Variants in MBNL1 observed in about 807,000 individuals in gnomAD.
The protein encoded by MBNL1 is muscleblind like splicing regulator 1, also known as muscleblind-like protein 1.
In MBNL1, 8 loss-of-function variants were observed where a neutral mutation model predicts 42.2. That is an observed-to-expected ratio of 0.19 (90% CI 0.11 to 0.34). MBNL1 has a LOEUF of 0.34. Among genes scored for constraint, MBNL1 ranks in the 10% least tolerant of loss-of-function variants. MBNL1 has a pLI of 1.00. For synonymous variants in MBNL1, 169 were observed against 173.9 expected, an observed-to-expected ratio of 0.97 and a Z score of 0.22; for missense variants, 309 against 495.3, an observed-to-expected ratio of 0.62 and a Z score of 3.57.
intron 2 of MBNL1, among the ~76,000 whole-genome samples, chr3:152,404,444 T>C (rs925248363): frequency 2.0e-5 from 3 of 152,172 alleles, no homozygotes; most frequent in African/African-American, 4.8e-5. Context: ...GTTATCACTT[T>C]AGAGATACTT....
At chr3:152,350,151 G>A (rs903423896) in intron 2 of MBNL1, among the ~76,000 whole-genome samples, 1 of 152,124 alleles carries the variant, frequency 6.6e-6, no homozygotes, top group African/African-American at 2.4e-5. Context: ...GTCAGAGAAT[G>A]AGTAGGTTAA....
At chr3:152,310,622 C>A (rs2065818862) in intron 2 of MBNL1, among the ~76,000 whole-genome samples, 1 of 152,178 alleles carries the variant, frequency 6.6e-6, no homozygotes, top group African/African-American at 2.4e-5. Flanking sequence ...AAAACATGCT[C>A]ATTCACATTT....
chr3:152,309,669 A>G (rs2065248241), intron 2 of MBNL1, among the ~76,000 whole-genome samples: 1 of 152,232 alleles, frequency 6.6e-6, no homozygotes, highest in African/African-American at 2.4e-5. Flanking sequence ...AAATACAGAC[A>G]TAATCAGTGT....
chr3:152,368,371 T>TA (rs1309698167), intron 2 of MBNL1, among the ~76,000 whole-genome samples: 2 of 152,226 alleles, frequency 1.3e-5, no homozygotes, highest in African/African-American at 2.4e-5. Context: ...TTGGTCTATA[T>TA]ATCTGTTTTG....
chr3:152,420,050 C>T (rs934397133), intron 3 of MBNL1, among the ~76,000 whole-genome samples: 9 of 152,194 alleles, frequency 5.9e-5, no homozygotes, highest in Non-Finnish European at 1.3e-4. Context: ...GCCAGGCTGC[C>T]TCTCTAGATT....
At chr3:152,315,527 T>C (rs764199659) in intron 2 of MBNL1, among the ~76,000 whole-genome samples, 2 of 152,220 alleles carry the variant, frequency 1.3e-5, no homozygotes, top group Non-Finnish European at 2.9e-5. Flanking sequence ...CAGTTTTGTT[T>C]CGTATTTGAT....
chr3:152,377,809 T>C (rs906137434), intron 2 of MBNL1, among the ~76,000 whole-genome samples: 1 of 152,220 alleles, frequency 6.6e-6, no homozygotes, highest in African/African-American at 2.4e-5. Flanking sequence ...TATCAAATGA[T>C]GGACACAAGG....
chr3:152,398,329 G>A (rs1208693393), intron 2 of MBNL1, among the ~76,000 whole-genome samples: 1 of 151,810 alleles, frequency 6.6e-6, no homozygotes, highest in Non-Finnish European at 1.5e-5. Flanking sequence ...TAATATATTA[G>A]TATAGCACAG....
At chr3:152,421,091 C>A (rs752411482) in intron 3 of MBNL1, among the ~76,000 whole-genome samples, 8 of 152,184 alleles carry the variant, frequency 5.3e-5, no homozygotes, top group Non-Finnish European at 7.4e-5. Flanking sequence ...AAGGAATGAA[C>A]AAAGCCTCCA....
chr3:152,332,692 T>TG (rs2085641136), intron 2 of MBNL1, among the ~76,000 whole-genome samples: 10 of 132,998 alleles, frequency 7.5e-5, no homozygotes, highest in East Asian at 2.2e-4. Context: ...TTTCATGGTT[T>TG]TGTGTGTGTG....
chr3:152,314,541 A>G (rs1444189847), intron 2 of MBNL1, among the ~76,000 whole-genome samples: 1 of 152,076 alleles, frequency 6.6e-6, no homozygotes, highest in Non-Finnish European at 1.5e-5. Context: ...ACGCCCGGCT[A>G]ATTTTGTATT....
intron 2 of MBNL1, among the ~76,000 whole-genome samples, chr3:152,388,670 A>G (rs773914360): frequency 2.0e-5 from 3 of 152,220 alleles, no homozygotes; most frequent in Non-Finnish European, 2.9e-5. Flanking sequence ...AGAAAGGGGC[A>G]TAGAATTCCT....
intron 2 of MBNL1, among the ~76,000 whole-genome samples, chr3:152,253,021 A>G (rs2034894630): frequency 6.6e-6 from 1 of 152,096 alleles, no homozygotes; most frequent in Admixed American, 6.6e-5. Context: ...TGTATAAGTT[A>G]CATCTCCTGT....
At chr3:152,325,281 A>G (rs572650618) in intron 2 of MBNL1, among the ~76,000 whole-genome samples, 36 of 151,928 alleles carry the variant, frequency 2.4e-4, no homozygotes, top group African/African-American at 7.5e-4. Flanking sequence ...TTGCTTATGT[A>G]GTTTGGAGTA....
chr3:152,280,659 G>T (rs892107284), intron 1 of MBNL1, among the ~76,000 whole-genome samples: 1 of 152,072 alleles, frequency 6.6e-6, no homozygotes, highest in Non-Finnish European at 1.5e-5. Flanking sequence ...TAATGACAGA[G>T]AATTTTAAAT....
intron 2 of MBNL1, among the ~76,000 whole-genome samples, chr3:152,396,914 T>C (rs1248045120): frequency 6.6e-6 from 1 of 152,108 alleles, no homozygotes; most frequent in Non-Finnish European, 1.5e-5. Flanking sequence ...GGTGGACCCA[T>C]AGAAATACAT....
intron 2 of MBNL1, among the ~76,000 whole-genome samples, chr3:152,385,856 G>C (rs2153437561): frequency 6.6e-6 from 1 of 152,152 alleles, no homozygotes; most frequent in African/African-American, 2.4e-5. Flanking sequence ...TAGTAAAACA[G>C]TAATAAAAGT....
rs533752011 is a variant in MBNL1, at chr3:152,314,073, A to G, written c.174+13706A>G. ...TATTATTTATGTAAATTTTCTCCTA[A>G]AAGACTCACCTAAGACTTTTCTAGA... On this transcript the variant is annotated intron_variant, in intron 2 of 9. Transcript: ENST00000324210. 1.7e-3 allele frequency among the ~76,000 whole-genome samples: 266 copies of G among 152,350 alleles called. 2 individuals are homozygous for G. The highest frequency in any genetic ancestry group is 5.9e-3 in the African/African-American group (245 of 41,582).
At chr3:152,401,858 G>A (rs922304008) in intron 2 of MBNL1, among the ~76,000 whole-genome samples, 11 of 151,770 alleles carry the variant, frequency 7.2e-5, no homozygotes, top group African/African-American at 2.7e-4. Context: ...GTGAAACCCC[G>A]TCTCTACTAA....
Sources: allele counts gnomAD v4.1 joint callset (sites outside exome capture counted in the v4.1 genomes callset), GRCh38; gene constraint gnomAD v4.1.1; transcripts MANE v1.5; gene names NCBI Gene and HGNC (gene_info 2026-07-23, HGNC 2026-07-21).